Variants in JADE1 observed in about 807,000 individuals in gnomAD.
The protein encoded by JADE1 is jade family PHD finger 1, also known as protein Jade-1.
In JADE1, 14 loss-of-function variants were observed where a neutral mutation model predicts 81.8. The ratio of observed to expected loss-of-function variants is 0.17; its 90% CI spans 0.11 to 0.27. The LOEUF is 0.27. Ranked by LOEUF, JADE1 falls within the 10% of genes least tolerant of loss-of-function variation. The probability of loss-of-function intolerance (pLI) is 1.00; values close to 1 mark genes in which losing one functional copy is unlikely to be tolerated. For synonymous variants in JADE1, 353 were observed against 391.9 expected (o/e 0.90, Z 1.17); for missense variants, 690 against 1,047.9 (o/e 0.66, Z 4.71).
intron 2 of JADE1, among the ~76,000 whole-genome samples, chr4:128,834,585 A>T (rs1159170020): frequency 1.5e-5 from 2 of 132,926 alleles, no homozygotes; most frequent in African/African-American, 5.9e-5. Flanking sequence ...CCCAGGCTGG[A>T]GTACAGTGGC....
intron 1 of JADE1, chr4:128,828,003 C>A: frequency 2.7e-6 from 1 of 369,180 alleles, no homozygotes; most frequent in Middle Eastern, 1.3e-3. Flanking sequence ...CCTCCTCTGA[C>A]TCTTATCCAC....
intron 9 of JADE1, chr4:128,862,448 T>C: frequency 1.4e-6 from 2 of 1,403,678 alleles, no homozygotes; most frequent in South Asian, 1.7e-5. Flanking sequence ...GTTTTTTTTT[T>C]TTTAAAAACA....
intron 8 of JADE1, among the ~76,000 whole-genome samples, chr4:128,857,701 G>GC (rs1238906798): frequency 1.3e-5 from 2 of 152,164 alleles, no homozygotes; most frequent in Non-Finnish European, 2.9e-5. Flanking sequence ...GAGCTGTGAG[G>GC]CGGTTGCAGT....
chr4:128,856,697 G>A (rs1343064450), intron 7 of JADE1, among the ~76,000 whole-genome samples: 1 of 152,148 alleles, frequency 6.6e-6, no homozygotes, highest in East Asian at 1.9e-4. Context: ...ATTCCAGCAT[G>A]TTTTGGGTGT....
chr4:128,860,302 G>A (rs1327028862), intron 8 of JADE1, among the ~76,000 whole-genome samples: 2 of 152,196 alleles, frequency 1.3e-5, no homozygotes, highest in African/African-American at 4.8e-5. Flanking sequence ...AGTCTCTGTG[G>A]TTGAAGTGTT....
chr4:128,870,055 G>A (rs1732075710), intron 10 of JADE1, among the ~76,000 whole-genome samples: 1 of 152,098 alleles, frequency 6.6e-6, no homozygotes, highest in East Asian at 1.9e-4. Flanking sequence ...GTCATGAGTT[G>A]GAGGCTCTTT....
At chr4:128,851,863 T>C (rs1216271336) in intron 5 of JADE1, among the ~76,000 whole-genome samples, 194 bp from the exon 6 acceptor site, 2 of 152,204 alleles carry the variant, frequency 1.3e-5, no homozygotes, top group Non-Finnish European at 2.9e-5. Flanking sequence ...GGGGTTCCAC[T>C]ATATTGCCCA....
chr4:128,818,583 G>A (rs571385613), intron 1 of JADE1, among the ~76,000 whole-genome samples: 162 of 152,284 alleles, frequency 1.1e-3, no homozygotes, highest in Non-Finnish European at 1.8e-3. Context: ...GGACAGATCA[G>A]TTGCCTTTCT....
intron 9 of JADE1, chr4:128,863,580 T>C (rs1731544580): frequency 6.1e-6 from 6 of 985,298 alleles, no homozygotes; most frequent in Admixed American, 6.1e-5. Flanking sequence ...CAGACCAGGT[T>C]AGGATTCCTG....
chr4:128,826,271 C>G (rs2125815272), intron 1 of JADE1, among the ~76,000 whole-genome samples: 1 of 152,312 alleles, frequency 6.6e-6, no homozygotes, highest in South Asian at 2.1e-4. Context: ...TTGTTTCTGA[C>G]CAGTCTGAGT....
intron 2 of JADE1, among the ~76,000 whole-genome samples, chr4:128,837,745 G>A (rs1187522777): frequency 6.6e-6 from 1 of 152,150 alleles, no homozygotes; most frequent in African/African-American, 2.4e-5. Flanking sequence ...CCAGTTTTAA[G>A]CATCTTACTT....
chr4:128,817,203 T>C (rs1038124018), intron 1 of JADE1, among the ~76,000 whole-genome samples: 1 of 152,040 alleles, frequency 6.6e-6, no homozygotes, highest in Non-Finnish European at 1.5e-5. Context: ...ATCTGTCTCT[T>C]TGTATTTTTT....
At position 128,846,371 on chromosome 4, in the gene JADE1, C is replaced by T. The variant is rs1192854739; in HGVS notation, c.139-4C>T. ...TGTCAGTGTCCCTTTCTCTTCCTTT[C>T]CAGGTGTTTAGGACAGACCTGATCA... On this transcript the variant is annotated splice_polypyrimidine_tract_variant and splice_region_variant and intron_variant, in intron 3 of 10. Transcript: ENST00000226319. This position sits in a 1 kb window ranked among gnomAD's most constrained non-coding sequence, Gnocchi z 4.0. The T allele has an allele frequency of 1.9e-6, 3 of 1,613,330 alleles. No homozygotes were observed. The highest frequency in any genetic ancestry group is 2.5e-6 in the Non-Finnish European group (3 of 1,179,534).
chr4:128,865,149 T>C (rs1038262542), intron 9 of JADE1, among the ~76,000 whole-genome samples: 4 of 152,348 alleles, frequency 2.6e-5, no homozygotes, highest in Middle Eastern at 6.8e-3. Flanking sequence ...AATCTGGTAG[T>C]GGCTACAGTG....
At position 128,872,330 on chromosome 4, in the gene JADE1, G is replaced by T; in HGVS notation, c.*68G>T. The T allele has an allele frequency of 1.5e-6, 2 of 1,365,864 alleles. No individual in the cohort carries two copies. Among genetic ancestry groups the T allele is most frequent in the South Asian group, 1.3e-5 (1 of 75,506 alleles). 84.6% of individuals were successfully genotyped at this position (1,365,864 alleles called of 1,614,324 possible). A position where few individuals can be genotyped will look rare whatever the true frequency, so the allele number is the denominator to read the frequency against. ...GTTTGCTAGAGGAGAGCTCTGATGT[G>T]GGGGAGAAGCAGAAACCCATTAATC... On this transcript the variant is annotated 3_prime_UTR_variant, in exon 11 of 11. Coordinates refer to ENST00000226319, the MANE Select transcript of JADE1 (RefSeq NM_199320.4).
intron 9 of JADE1, among the ~76,000 whole-genome samples, chr4:128,865,817 C>T (rs1393138057): frequency 1.3e-5 from 2 of 152,168 alleles, no homozygotes; most frequent in Non-Finnish European, 2.9e-5. Context: ...ATACAAAGTT[C>T]AAATTCCCTG....
intron 8 of JADE1, among the ~76,000 whole-genome samples, chr4:128,859,292 ATG>A (rs1422652696): frequency 1.4e-5 from 2 of 147,838 alleles, no homozygotes; most frequent in African/African-American, 5.1e-5. Flanking sequence ...GGTTATGTGT[ATG>A]TGTGTATGCA....
At chr4:128,811,487 G>A (rs1216249628) in intron 1 of JADE1, 1 of 151,952 alleles carries the variant, frequency 6.6e-6, no homozygotes, top group East Asian at 2.0e-4. Context: ...CAGGTGCTGG[G>A]TGGCCCCGGG....
intron 9 of JADE1, among the ~76,000 whole-genome samples, 154 bp from the exon 10 acceptor site, chr4:128,867,702 A>G (rs1431271195): frequency 1.3e-5 from 2 of 152,222 alleles, no homozygotes; most frequent in East Asian, 3.9e-4. Context: ...AAAGGAGATC[A>G]GAGATTGGAT....
Sources: gnomAD v4.1 joint callset for allele counts (sites outside exome capture counted in the v4.1 genomes callset) on GRCh38, gnomAD v4.1.1 for gene constraint, Gnocchi (gnomAD v3.1) non-coding constraint, MANE v1.5 for transcripts, NCBI Gene and HGNC (gene_info 2026-07-23, HGNC 2026-07-21) for gene names.